The following SLC36A1 variants were observed in gnomAD, a reference collection of about 807,000 sequenced individuals.
The protein encoded by SLC36A1 is proton-coupled amino acid transporter 1.
In SLC36A1, 30 loss-of-function variants were observed where a neutral mutation model predicts 47.5. The observed-to-expected ratio is 0.63, with a 90% CI of 0.47 to 0.86. SLC36A1 has a LOEUF of 0.86. Ranked by LOEUF, SLC36A1 falls within the 40% of genes least tolerant of loss-of-function variation. The pLI, the probability that SLC36A1 is intolerant of heterozygous loss-of-function variation, is 0.00. For missense variants in SLC36A1, 517 were observed against 606.0 expected, an observed-to-expected ratio of 0.85 and a Z score of 1.54; for synonymous variants, 255 against 249.7, an observed-to-expected ratio of 1.02 and a Z score of -0.20.
the SLC36A1 span, among the ~76,000 whole-genome samples, chr5:151,348,053 C>T: frequency 6.6e-6 from 1 of 152,188 alleles, no homozygotes; most frequent in African/African-American, 2.4e-5. Flanking sequence ...ACTGGCTCCA[C>T]AGTCTGCTGT....
intron 5 of SLC36A1, among the ~76,000 whole-genome samples, chr5:151,466,151 C>T (rs1756339676): frequency 6.6e-6 from 1 of 152,248 alleles, no homozygotes; most frequent in South Asian, 2.1e-4. Flanking sequence ...ATTCTTCCTT[C>T]CATTCTTTCT....
At chr5:151,380,688 G>T in the SLC36A1 span, 1 of 551,328 alleles carries the variant, frequency 1.8e-6, no homozygotes, top group South Asian at 1.4e-5. Context: ...TTGAGCAACT[G>T]AAAACTCAGA....
the SLC36A1 span, among the ~76,000 whole-genome samples, chr5:151,358,839 T>A: frequency 6.6e-6 from 1 of 151,420 alleles, no homozygotes; most frequent in Non-Finnish European, 1.5e-5. Flanking sequence ...CCGGGCGCGG[T>A]GGCGGGTGCC....
At chr5:151,509,909 C>A in the SLC36A1 span, 1 of 1,283,670 alleles carries the variant, frequency 7.8e-7, no homozygotes, top group South Asian at 1.5e-5. Context: ...GGCCTAGAAG[C>A]CAGGTCCCTG....
chr5:151,391,696 G>T, the SLC36A1 span, among the ~76,000 whole-genome samples: 1 of 152,070 alleles, frequency 6.6e-6, no homozygotes, highest in African/African-American at 2.4e-5. Flanking sequence ...TTATTTGCTG[G>T]ATTACGTTTA....
chr5:151,497,347 C>T (rs192368657), downstream of SLC36A1, among the ~76,000 whole-genome samples: 29 of 152,184 alleles, frequency 1.9e-4, no homozygotes, highest in African/African-American at 6.5e-4. Context: ...CTGATATGAT[C>T]GTATAGTTTT....
At chr5:151,474,178 A>AAAAAAAAAAAAAGG (rs776318482) in intron 8 of SLC36A1, among the ~76,000 whole-genome samples, 1 of 119,008 alleles carries the variant, frequency 8.4e-6, no homozygotes, top group African/African-American at 4.5e-5. Context: ...AAAAAAAAAA[A>AAAAAAAAAAAAAGG]AGAAATTATC....
At chr5:151,536,221 G>GAAA in the SLC36A1 span, among the ~76,000 whole-genome samples, 1 of 150,848 alleles carries the variant, frequency 6.6e-6, no homozygotes, top group Non-Finnish European at 1.5e-5. Flanking sequence ...TCCATATTCA[G>GAAA]AAAAAAAAAC....
chr5:151,514,493 C>T, the SLC36A1 span, among the ~76,000 whole-genome samples: 1 of 152,250 alleles, frequency 6.6e-6, no homozygotes, highest in Non-Finnish European at 1.5e-5. Context: ...AACTCTCCAC[C>T]TGCTCTATAC....
chr5:151,499,730 C>T, the SLC36A1 span, among the ~76,000 whole-genome samples: 1 of 147,790 alleles, frequency 6.8e-6, no homozygotes, highest in Non-Finnish European at 1.5e-5. Flanking sequence ...ACCCCTGTAA[C>T]AACAACTGTG....
the SLC36A1 span, among the ~76,000 whole-genome samples, chr5:151,345,238 A>G: frequency 2.3e-4 from 35 of 152,344 alleles, no homozygotes; most frequent in African/African-American, 7.0e-4. Context: ...GAAATTCCCC[A>G]TGAGAACCTT....
At chr5:151,349,544 A>G in the SLC36A1 span, among the ~76,000 whole-genome samples, 1 of 152,232 alleles carries the variant, frequency 6.6e-6, no homozygotes, top group African/African-American at 2.4e-5. Context: ...CAAGATGGAT[A>G]CTAGATTGTA....
At chr5:151,394,750 C>T in the SLC36A1 span, among the ~76,000 whole-genome samples, 3 of 152,232 alleles carry the variant, frequency 2.0e-5, no homozygotes, top group South Asian at 2.1e-4. Flanking sequence ...GCTGCCTGAT[C>T]GTTCCTCTGG....
chr5:151,550,148 G>C, the SLC36A1 span, among the ~76,000 whole-genome samples: 1 of 152,178 alleles, frequency 6.6e-6, no homozygotes, highest in Non-Finnish European at 1.5e-5. Flanking sequence ...AAGAGGCTCT[G>C]ACTCTTGGGG....
chr5:151,540,266 A>T, the SLC36A1 span, among the ~76,000 whole-genome samples: 2 of 152,162 alleles, frequency 1.3e-5, no homozygotes, highest in Non-Finnish European at 2.9e-5. Flanking sequence ...CCTGGGAGCT[A>T]GTCTGAGGCT....
the SLC36A1 span, chr5:151,512,249 G>T: frequency 6.2e-7 from 1 of 1,614,208 alleles, no homozygotes; most frequent in Non-Finnish European, 8.5e-7. The surrounding 1 kb of genome is among the most constrained non-coding windows in gnomAD (Gnocchi z 4.1). Context: ...CACTGGGTGA[G>T]GGCTTGTGTC....
At chr5:151,357,603 T>C in the SLC36A1 span, among the ~76,000 whole-genome samples, 2 of 152,366 alleles carry the variant, frequency 1.3e-5, no homozygotes, top group Admixed American at 1.3e-4. Context: ...AAAGGTTTTA[T>C]TGGAACTCAG....
In SLC36A1 at chr5:151,467,655, G is replaced by C. The variant is rs971152199; in HGVS notation, c.505-52G>C. The C allele has an allele frequency of 2.8e-6, 4 of 1,454,102 alleles. No individual in the cohort carries two copies. The Admixed American group carries it at 6.7e-5, about 24-fold the overall frequency. 90.1% of individuals were successfully genotyped at this position (1,454,102 alleles called of 1,614,324 possible). ...AACCTCTTCCAGCAGAGGATCCACC[G>C]GCCTCTGTTGTTTGAGAGGTGTTTC... On this transcript the variant is annotated intron_variant, in intron 6 of 10. Coordinates refer to ENST00000243389, the MANE Select transcript of SLC36A1 (RefSeq NM_078483.4).
chr5:151,482,669 T>A (rs1758956699), intron 10 of SLC36A1, among the ~76,000 whole-genome samples: 1 of 152,220 alleles, frequency 6.6e-6, no homozygotes, highest in South Asian at 2.1e-4. Flanking sequence ...CATGACCTCG[T>A]GGTATTCCAC....
Sources: gnomAD v4.1 joint callset for allele counts (sites outside exome capture counted in the v4.1 genomes callset) on GRCh38, gnomAD v4.1.1 for gene constraint, Gnocchi (gnomAD v3.1) non-coding constraint, MANE v1.5 for transcripts, NCBI Gene and HGNC (gene_info 2026-07-23, HGNC 2026-07-21) for gene names.